MTUS2: variants seen among roughly 807,000 people sequenced by gnomAD.
MTUS2 encodes microtubule-associated tumor suppressor candidate 2.
A neutral mutation model predicts 114.1 loss-of-function variants in MTUS2; 40 were observed. That is an observed-to-expected ratio of 0.35 (90% CI 0.27 to 0.46). The LOEUF is 0.46. Among genes scored for constraint, MTUS2 ranks in the 20% least tolerant of loss-of-function variants. The pLI is 1.00. For synonymous variants in MTUS2, 688 were observed against 672.0 expected, an observed-to-expected ratio of 1.02 and a Z score of -0.37; for missense variants, 1,679 against 1,705.4, an observed-to-expected ratio of 0.98 and a Z score of 0.27.
intron 10 of MTUS2, among the ~76,000 whole-genome samples, chr13:29,481,441 C>T (rs545133641): frequency 9.2e-5 from 14 of 151,996 alleles, no homozygotes; most frequent in South Asian, 2.1e-4. Flanking sequence ...CCGATGGCTT[C>T]GTCCCCACCC....
chr13:29,271,527 A>G (rs1897881239), intron 5 of MTUS2, among the ~76,000 whole-genome samples: 1 of 152,046 alleles, frequency 6.6e-6, no homozygotes, highest in Non-Finnish European at 1.5e-5. Flanking sequence ...GTACCTTCGC[A>G]TATCCCCTTG....
At chr13:29,370,339 G>A (rs1215212348) in intron 8 of MTUS2, among the ~76,000 whole-genome samples, 1 of 152,076 alleles carries the variant, frequency 6.6e-6, no homozygotes, top group African/African-American at 2.4e-5. Flanking sequence ...GTGTGCATCT[G>A]TAGTCACAGC....
chr13:29,069,597 A>G (rs191614225), intron 4 of MTUS2, among the ~76,000 whole-genome samples: 8 of 152,350 alleles, frequency 5.3e-5, no homozygotes, highest in South Asian at 2.1e-4. Context: ...AAGGTGACAC[A>G]TAAAATTAAC....
chr13:29,225,181 G>A (rs569528901), intron 5 of MTUS2, among the ~76,000 whole-genome samples: 2 of 152,358 alleles, frequency 1.3e-5, no homozygotes, highest in East Asian at 3.9e-4. Flanking sequence ...AGCCTGGTGA[G>A]CTGAAGGCTC....
rs185076271 is a variant in MTUS2, at chr13:28,848,227, A to G, written c.-243+8377A>G. 1.1e-3 allele frequency among the ~76,000 whole-genome samples: 164 copies of G among 152,306 alleles called. 1 individual carries two copies. The highest frequency in any genetic ancestry group is 3.8e-3 in the African/African-American group (159 of 41,558). On this transcript the variant is annotated intron_variant, in intron 2 of 15. Transcript: ENST00000612955. The stretch of plus-strand genomic sequence containing the variant: ...TTTACTATCTTTCCAAGAATTTACT[A>G]TCTATTGGTATAGCCCAATATACAA...
At chr13:29,128,834 C>G (rs1374822639) in intron 5 of MTUS2, among the ~76,000 whole-genome samples, 2 of 152,110 alleles carry the variant, frequency 1.3e-5, no homozygotes, top group Non-Finnish European at 2.9e-5. Flanking sequence ...GTGTTTTGAT[C>G]AATGCCTGGG....
chr13:29,033,456 G>A (rs1886918556), intron 3 of MTUS2, among the ~76,000 whole-genome samples: 1 of 152,118 alleles, frequency 6.6e-6, no homozygotes, highest in Admixed American at 6.5e-5. Context: ...AGTTTACCTA[G>A]TGAGTCTAAG....
At chr13:29,022,733 CCTA>C (rs1451193843) in intron 2 of MTUS2, among the ~76,000 whole-genome samples, 28 of 152,242 alleles carry the variant, frequency 1.8e-4, no homozygotes, top group Middle Eastern at 6.8e-3. Flanking sequence ...ATCCCCAGTG[CCTA>C]ATAAAATGCA....
At chr13:28,921,489 A>G (rs667265) in intron 2 of MTUS2, among the ~76,000 whole-genome samples, 132,811 of 152,168 alleles carry the variant, frequency 0.87, 58,203 homozygotes, top group East Asian at 0.91. Context: ...CACTGCCTGG[A>G]GTTGAGGGAG....
intron 2 of MTUS2, among the ~76,000 whole-genome samples, chr13:28,969,234 G>A (rs1168926118): frequency 2.0e-5 from 3 of 152,022 alleles, no homozygotes; most frequent in Non-Finnish European, 4.4e-5. Context: ...TAGAGACATG[G>A]TTGAACTGTG....
intron 2 of MTUS2, among the ~76,000 whole-genome samples, chr13:29,007,623 T>C (rs1319859859): frequency 6.6e-6 from 1 of 152,206 alleles, no homozygotes; most frequent in Non-Finnish European, 1.5e-5. Context: ...CCCCTCCTCT[T>C]TCTCCTCCTC....
intron 8 of MTUS2, among the ~76,000 whole-genome samples, chr13:29,364,377 A>G (rs955145480): frequency 2.0e-5 from 3 of 152,162 alleles, no homozygotes; most frequent in African/African-American, 7.2e-5. Context: ...CTCCCTGCAT[A>G]TCTTTAAGCC....
intron 8 of MTUS2, among the ~76,000 whole-genome samples, chr13:29,367,915 TC>T (rs1402414905): frequency 6.7e-6 from 1 of 150,374 alleles, no homozygotes; most frequent in African/African-American, 2.4e-5. Flanking sequence ...CTGTAGCTTT[TC>T]TTTTTTTTCC....
intron 5 of MTUS2, among the ~76,000 whole-genome samples, chr13:29,156,227 A>G (rs748872043): frequency 1.5e-4 from 23 of 152,178 alleles, no homozygotes; most frequent in Non-Finnish European, 2.9e-4. Context: ...ATAAGTGATT[A>G]TAAGTCTGAT....
intron 1 of MTUS2, among the ~76,000 whole-genome samples, chr13:28,822,317 A>T (rs1873958415): frequency 6.6e-6 from 1 of 152,168 alleles, no homozygotes. Flanking sequence ...TACATAATTG[A>T]CACGGAACTA....
intron 2 of MTUS2, among the ~76,000 whole-genome samples, chr13:29,007,948 C>T (rs759588233): frequency 1.3e-5 from 2 of 152,084 alleles, no homozygotes; most frequent in Non-Finnish European, 2.9e-5. Context: ...GTTGTTCAGG[C>T]GTCAACCATA....
At chr13:29,131,111 G>C (rs182810680) in intron 5 of MTUS2, among the ~76,000 whole-genome samples, 2 of 152,270 alleles carry the variant, frequency 1.3e-5, no homozygotes, top group African/African-American at 2.4e-5. Flanking sequence ...TTTTTCCACT[G>C]GTCTAAAATG....
At chr13:29,455,182 G>A (rs1332315604) in intron 9 of MTUS2, among the ~76,000 whole-genome samples, 1 of 152,212 alleles carries the variant, frequency 6.6e-6, no homozygotes, top group African/African-American at 2.4e-5. Flanking sequence ...CTAGTGGGGT[G>A]AGCACTGGAC....
At chr13:28,844,420 C>T (rs1875722243) in intron 2 of MTUS2, among the ~76,000 whole-genome samples, 1 of 149,298 alleles carries the variant, frequency 6.7e-6, no homozygotes, top group South Asian at 2.1e-4. Flanking sequence ...TGTGTGCGCG[C>T]ATGTGTGCGT....
Sources: allele counts gnomAD v4.1 joint callset (sites outside exome capture counted in the v4.1 genomes callset), GRCh38; gene constraint gnomAD v4.1.1; transcripts MANE v1.5; gene names NCBI Gene and HGNC (gene_info 2026-07-23, HGNC 2026-07-21).